Variants in NSUN4 observed in about 807,000 individuals in gnomAD.
NSUN4 encodes NOP2/Sun RNA methyltransferase 4.
In NSUN4, 31 loss-of-function variants were observed where a neutral mutation model predicts 43.8. That is an observed-to-expected ratio of 0.71 (90% CI 0.53 to 0.96). The LOEUF (loss-of-function observed/expected upper bound fraction) is 0.96. NSUN4 is among the 40% of genes least tolerant of loss of function. The pLI, the probability that NSUN4 is intolerant of heterozygous loss-of-function variation, is 0.00. For synonymous variants in NSUN4, 167 were observed against 184.1 expected, an observed-to-expected ratio of 0.91 and a Z score of 0.75; for missense variants, 439 against 475.6, an observed-to-expected ratio of 0.92 and a Z score of 0.72.
downstream of NSUN4, among the ~76,000 whole-genome samples, chr1:46,366,805 C>G (rs1005180817): frequency 6.6e-6 from 1 of 150,776 alleles, no homozygotes; most frequent in Non-Finnish European, 1.5e-5. Context: ...TATTGAGAGA[C>G]CTGGAAGCTT....
Position 46,352,888 on chromosome 1 carries a change from C to T in NSUN4, c.613C>T (p.Leu205Phe), listed in dbSNP as rs776648035. The change falls in exon 4 of 6, where the codon CTC becomes TTC. Residue 205 changes from leucine to phenylalanine, a missense_variant. Transcript: ENST00000474844. Reference sequence around the variant, plus strand: ...CATAGGCAATCTTGCTGCCAATGATCTCTCCCCGTCCCGAATAGCCAGACT... The same window carrying T: ...CATAGGCAATCTTGCTGCCAATGATTTCTCCCCGTCCCGAATAGCCAGACT... ...GCCRNLAAND[L>F]SPSRIARLQK... 6 of 1,613,948 alleles carry T rather than the reference C, an allele frequency of 3.7e-6. No homozygotes were observed. The highest frequency in any genetic ancestry group is 4.5e-5 in the East Asian group (2 of 44,900).
Position 46,361,729 on chromosome 1 carries a change from G to A in NSUN4, c.1038G>A (p.Arg346=). Residue 346 remains arginine (R), a synonymous_variant, in exon 6 of 6, where the codon AGG becomes AGA. Transcript: ENST00000474844. ...TGGAAGATCTGACTCACTTCCGAAG[G>A]GTTTTCATGGACACATTTTGTTTCT... ...VQVEDLTHFR[R]VFMDTFCFFS... is the part of the protein sequence containing the mutation. The A allele has an allele frequency of 6.2e-7, 1 of 1,614,178 alleles. No individual in the cohort carries two copies. Among genetic ancestry groups the A allele is most frequent in the Non-Finnish European group, 8.5e-7 (1 of 1,180,030 alleles).
chr1:46,372,537 C>T, the NSUN4 span, among the ~76,000 whole-genome samples: 2 of 152,142 alleles, frequency 1.3e-5, no homozygotes, highest in African/African-American at 4.8e-5. Context: ...GTCATTTTCC[C>T]CTTCTCACAA....
chr1:46,360,362 G>A (rs945555928), intron 4 of NSUN4, among the ~76,000 whole-genome samples: 4 of 146,712 alleles, frequency 2.7e-5, no homozygotes, highest in African/African-American at 1.0e-4. Context: ...ATCCCAGGGA[G>A]TTTGAGGCTG....
the NSUN4 span, among the ~76,000 whole-genome samples, chr1:46,372,211 G>A: frequency 1.3e-5 from 2 of 151,092 alleles, no homozygotes; most frequent in South Asian, 4.2e-4. Context: ...CGCGATCTCG[G>A]CTCACTGTAA....
At chr1:46,347,288 A>C (rs1295474820) in intron 3 of NSUN4, among the ~76,000 whole-genome samples, 2 of 152,134 alleles carry the variant, frequency 1.3e-5, no homozygotes, top group Non-Finnish European at 2.9e-5. Context: ...AAATACATAA[A>C]TTAGCTGGGT....
intron 3 of NSUN4, among the ~76,000 whole-genome samples, chr1:46,348,156 A>T (rs544783686): frequency 9.2e-5 from 14 of 152,232 alleles, no homozygotes; most frequent in South Asian, 2.1e-4. Context: ...CTGGGATTAC[A>T]GGCATGAGCC....
At chr1:46,366,150 C>A (rs1045783583), downstream of NSUN4, among the ~76,000 whole-genome samples, 18 of 152,100 alleles carry the variant, frequency 1.2e-4, no homozygotes, top group Admixed American at 1.1e-3. Context: ...TAAATAAAAA[C>A]TTCATTCTAG....
chr1:46,370,193 G>C, the NSUN4 span, among the ~76,000 whole-genome samples: 1 of 152,142 alleles, frequency 6.6e-6, no homozygotes, highest in African/African-American at 2.4e-5. Context: ...ACTTAGGGAA[G>C]AGAGATGTTG....
the NSUN4 span, among the ~76,000 whole-genome samples, chr1:46,384,003 C>T: frequency 6.6e-6 from 1 of 152,020 alleles, no homozygotes; most frequent in African/African-American, 2.4e-5. Context: ...AAACTAATTC[C>T]GATTGGCTAA....
intron 1 of NSUN4, chr1:46,343,452 C>T (rs1039817731): frequency 2.5e-6 from 1 of 399,560 alleles, no homozygotes; most frequent in Non-Finnish European, 4.4e-6. Flanking sequence ...CTGCCCTTTG[C>T]CTTCATCCAA....
chr1:46,368,713 G>A (rs1664191250), downstream of NSUN4, among the ~76,000 whole-genome samples: 1 of 152,186 alleles, frequency 6.6e-6, no homozygotes, highest in Non-Finnish European at 1.5e-5. Context: ...TGTCATTTGT[G>A]TTAGTAAGTA....
the NSUN4 span, among the ~76,000 whole-genome samples, chr1:46,377,487 TCTGCATG>T: frequency 6.6e-6 from 1 of 152,244 alleles, no homozygotes; most frequent in African/African-American, 2.4e-5. Flanking sequence ...GACGTGCTTT[TCTGCATG>T]TCTGATTTTC....
At chr1:46,342,714 T>C in intron 1 of NSUN4, 1 of 398,722 alleles carries the variant, frequency 2.5e-6, no homozygotes, top group East Asian at 3.6e-5. Context: ...CCGCAGAAGC[T>C]ATAATGAACC....
the NSUN4 span, among the ~76,000 whole-genome samples, chr1:46,376,886 T>G: frequency 6.6e-6 from 1 of 151,916 alleles, no homozygotes; most frequent in African/African-American, 2.4e-5. Context: ...GCCTCCCGAG[T>G]AGCTGGGATT....
chr1:46,350,657 A>T (rs906106097), intron 3 of NSUN4, among the ~76,000 whole-genome samples: 2 of 152,250 alleles, frequency 1.3e-5, no homozygotes, highest in Non-Finnish European at 2.9e-5. Flanking sequence ...GTTGCATTTG[A>T]TAGAAAACCT....
At position 46,344,821 on chromosome 1, in the gene NSUN4, C is replaced by T; in HGVS notation, c.114C>T (p.Phe38=). 2 of 1,613,970 alleles carry T rather than the reference C, an allele frequency of 1.2e-6. No individual in the cohort carries two copies. The highest frequency in any genetic ancestry group is 1.7e-6 in the Non-Finnish European group (2 of 1,179,874). The change falls in exon 2 of 6, where the codon TTC becomes TTT. Residue 38 remains phenylalanine, a synonymous_variant. Coordinates refer to ENST00000474844, the MANE Select transcript of NSUN4 (RefSeq NM_199044.4). ...KKKWAATEPK[F]PAVRLALQNF... ...TTTAGGCTGCCACAGAGCCCAAATT[C>T]CCTGCTGTTCGACTGGCTTTGCAGA...
chr1:46,348,344 CA>C (rs1365403534), intron 3 of NSUN4, among the ~76,000 whole-genome samples: 1 of 152,222 alleles, frequency 6.6e-6, no homozygotes, highest in Admixed American at 6.5e-5. Flanking sequence ...TACGCTCCCA[CA>C]GCATGGGTAT....
rs773980804 is a variant in NSUN4, at chr1:46,360,249, A to AAT, written c.754-428_754-427dup. 1.7e-3 allele frequency among the ~76,000 whole-genome samples: 43 copies of AAT among 25,754 alleles called. 1 individual carries two copies. The highest frequency in any genetic ancestry group is 1.9e-3 in the African/African-American group (15 of 7,720). 16.9% of individuals were successfully genotyped at this position (25,754 alleles called of 152,430 possible). A position where few individuals can be genotyped will look rare whatever the true frequency, so the allele number is the denominator to read the frequency against. On this transcript the variant is annotated intron_variant, in intron 4 of 5. Coordinates refer to ENST00000474844, the MANE Select transcript of NSUN4 (RefSeq NM_199044.4). ...ATCTCAAAAAAAAAAAAAAAAAAAAAATATATATATATATATATATATATA... is the reference window on the plus strand; with the variant it reads ...ATCTCAAAAAAAAAAAAAAAAAAAAAATATATATATATATATATATATATATA...
Sources: allele counts gnomAD v4.1 joint callset (sites outside exome capture counted in the v4.1 genomes callset), GRCh38; gene constraint gnomAD v4.1.1; transcripts MANE v1.5; gene names NCBI Gene and HGNC (gene_info 2026-07-23, HGNC 2026-07-21).